STRA6: variants seen among roughly 807,000 people sequenced by gnomAD.
The protein encoded by STRA6 is receptor for retinol uptake STRA6.
In STRA6, 48 loss-of-function variants were observed where a neutral mutation model predicts 83.6. The ratio of observed to expected loss-of-function variants is 0.57; its 90% confidence interval spans 0.46 to 0.73. The LOEUF (loss-of-function observed/expected upper bound fraction) is 0.73. Ranked by LOEUF, STRA6 falls within the 30% of genes least tolerant of loss-of-function variation. The pLI is 0.00. For synonymous variants in STRA6, 353 were observed against 362.3 expected (o/e 0.97, Z 0.29); for missense variants, 760 against 838.8 (o/e 0.91, Z 1.16).
Position 74,197,364 on chromosome 15 carries a change from ACAGT to A in STRA6, c.236_239del (p.Asp79ValfsTer32). On this transcript the variant is annotated frameshift_variant, in exon 4 of 19. Coordinates refer to ENST00000395105, the MANE Select transcript of STRA6 (RefSeq NM_022369.4). LOFTEE classifies it high-confidence loss of function. ...TGGGCAGGCCGGGCCTGCCACGCAC[ACAGT>A]CAGGCCAGAGCTGGCGGCGCCTCAC... The A allele has an allele frequency of 6.4e-7, 1 of 1,550,392 alleles. No homozygotes were observed. The highest frequency in any genetic ancestry group is 8.7e-7 in the Non-Finnish European group (1 of 1,146,848).
chr15:74,205,707 C>T (rs2074244315), upstream of STRA6, among the ~76,000 whole-genome samples: 1 of 152,222 alleles, frequency 6.6e-6, no homozygotes, highest in African/African-American at 2.4e-5. Context: ...GCCAGGCTGG[C>T]AGAAAGGGAC....
chr15:74,184,164 AG>A (rs2073128729), intron 13 of STRA6, among the ~76,000 whole-genome samples, 175 bp from the exon 14 acceptor site: 2 of 152,248 alleles, frequency 1.3e-5, no homozygotes, highest in Non-Finnish European at 2.9e-5. Flanking sequence ...TATCTGGAAG[AG>A]GTGATATCTG....
intron 11 of STRA6, 43 bp downstream of exon 11, chr15:74,190,797 C>G: frequency 6.2e-7 from 1 of 1,613,642 alleles, no homozygotes; most frequent in Non-Finnish European, 8.5e-7. Context: ...GGGTTGAGGG[C>G]AGGGCTCCAG....
rs560511756 is a variant in STRA6, at chr15:74,188,544, C to T, written c.1090+571G>A. Among the ~76,000 whole-genome samples, 6 of 152,330 alleles carry T rather than the reference C, an allele frequency of 3.9e-5. No individual in the cohort carries two copies. The highest frequency in any genetic ancestry group is 4.1e-4 in the South Asian group (2 of 4,828). ...GGACACTTCTCAGTCCCCTCCACAG[C>T]GCTGTTGGGAGCGCCCAGGAGGCAG... On this transcript the variant is annotated intron_variant, in intron 12 of 18. Transcript: ENST00000395105. This position sits in a 1 kb window ranked among gnomAD's most constrained non-coding sequence, Gnocchi z 4.5.
At chr15:74,183,726 C>G (rs1382661412) in intron 14 of STRA6, 130 bp downstream of exon 14, 2 of 1,592,372 alleles carry the variant, frequency 1.3e-6, no homozygotes, top group African/African-American at 1.3e-5. Flanking sequence ...CTCCTTCTTG[C>G]TGCTGCCCCA....
At chr15:74,194,992 A>G in intron 7 of STRA6, 1 of 1,431,918 alleles carries the variant, frequency 7.0e-7, no homozygotes, top group Non-Finnish European at 9.1e-7. Flanking sequence ...AAGCTGGGGG[A>G]TCACTAACAC....
At chr15:74,186,176 G>A in intron 12 of STRA6, among the ~76,000 whole-genome samples, 1 of 152,210 alleles carries the variant, frequency 6.6e-6, no homozygotes. Flanking sequence ...AAGCAACACT[G>A]GTGATTCAGT....
chr15:74,180,429 A>G (rs1437034629), intron 18 of STRA6, among the ~76,000 whole-genome samples, 186 bp from the exon 19 acceptor site: 1 of 152,148 alleles, frequency 6.6e-6, no homozygotes, highest in Non-Finnish European at 1.5e-5. Flanking sequence ...GCTGGGTGGG[A>G]CAAGGGTCTG....
At chr15:74,203,046 C>G (rs953643472), upstream of STRA6, 3 of 985,814 alleles carry the variant, frequency 3.0e-6, no homozygotes, top group Non-Finnish European at 3.6e-6. Context: ...CCCTGCCCGC[C>G]ACATCTGCAG....
chr15:74,190,534 A>G (rs12899173), intron 11 of STRA6, among the ~76,000 whole-genome samples: 1 of 151,970 alleles, frequency 6.6e-6, no homozygotes, highest in Admixed American at 6.5e-5. Flanking sequence ...CTTTTTACAG[A>G]TGAGCTAACA....
In STRA6 at chr15:74,193,132, TC is replaced by T. The variant is rs536053596; in HGVS notation, c.720+667del. On this transcript the variant is annotated intron_variant, in intron 8 of 18. Transcript: ENST00000395105. Reference sequence around the variant, plus strand: ...TTCCTTCGATCCATCCATCCATTCATCCATCTATTCAAAAATTCAAAAATAT... The same window carrying T: ...TTCCTTCGATCCATCCATCCATTCATCATCTATTCAAAAATTCAAAAATAT... 6.6e-5 allele frequency among the ~76,000 whole-genome samples: 10 copies of T among 152,304 alleles called. No individual in the cohort carries two copies. The East Asian group carries it at 1.9e-3, about 29-fold the overall frequency.
chr15:74,195,007 A>G (rs534286933), intron 7 of STRA6: 2 of 1,434,282 alleles, frequency 1.4e-6, no homozygotes, highest in South Asian at 1.5e-5. Context: ...TAACACAGGC[A>G]TTGGGGGTGG....
In STRA6 at chr15:74,188,499, C is replaced by T. The variant is rs4082420; in HGVS notation, c.1090+616G>A. Among the ~76,000 whole-genome samples the T allele has an allele frequency of 0.012, 1,845 of 152,358 alleles. 27 individuals carry two copies. Among genetic ancestry groups the T allele is most frequent in the Non-Finnish European group, 0.017 (1,175 of 68,020 alleles). On this transcript the variant is annotated intron_variant, in intron 12 of 18. Coordinates refer to ENST00000395105, the MANE Select transcript of STRA6 (RefSeq NM_022369.4). This position sits in a 1 kb window ranked among gnomAD's most constrained non-coding sequence, Gnocchi z 4.5. ...CCTGCTGGATGGCCTCAGGCAAATC[C>T]TTCCCCATGTGTCAAGTGGGGACAC...
chr15:74,189,666 C>CT (rs565194026), intron 11 of STRA6, among the ~76,000 whole-genome samples: 2,327 of 140,512 alleles, frequency 0.017, 19 homozygotes, highest in Middle Eastern at 0.034. Flanking sequence ...ACAACTTCTT[C>CT]TTTTTTTTTT....
At chr15:74,211,307 T>C (rs966355884), upstream of STRA6, among the ~76,000 whole-genome samples, 5 of 151,928 alleles carry the variant, frequency 3.3e-5, no homozygotes, top group African/African-American at 9.7e-5. Flanking sequence ...AATTGCAGGA[T>C]TGGGACACAC....
At chr15:74,197,980 C>G (rs1364448613) in intron 2 of STRA6, 162 bp from the exon 3 acceptor site, 2 of 734,128 alleles carry the variant, frequency 2.7e-6, no homozygotes, top group Non-Finnish European at 4.7e-6. Context: ...TTCTCAGGGT[C>G]ATTCTGGGGC....
upstream of STRA6, among the ~76,000 whole-genome samples, chr15:74,206,855 G>A (rs911880572): frequency 1.3e-4 from 20 of 152,234 alleles, no homozygotes; most frequent in East Asian, 7.7e-4. Context: ...ATGAACCCAC[G>A]TGGGCACTCA....
chr15:74,192,463 G>C (rs532703812), intron 8 of STRA6, among the ~76,000 whole-genome samples: 2 of 152,284 alleles, frequency 1.3e-5, no homozygotes, highest in Admixed American at 1.3e-4. Flanking sequence ...TAGCCCAAAA[G>C]GGACCCGGGG....
chr15:74,188,617 A>C lies in STRA6; in HGVS notation c.1090+498T>G, dbSNP rs746000121. Reference sequence around the variant, plus strand: ...GCATCAGACCACAGAAGGGGAAGCCAAGATGGTTCCCTGGTTCAGGAGCTC... The same window carrying C: ...GCATCAGACCACAGAAGGGGAAGCCCAGATGGTTCCCTGGTTCAGGAGCTC... On this transcript the variant is annotated intron_variant, in intron 12 of 18. Transcript: ENST00000395105. The surrounding 1 kb of genome is among the most constrained non-coding windows in gnomAD (Gnocchi z 4.5). Among the ~76,000 whole-genome samples the C allele has an allele frequency of 1.4e-4, 22 of 152,206 alleles. No homozygotes were observed. Among genetic ancestry groups the C allele is most frequent in the Non-Finnish European group, 2.6e-4 (18 of 68,024 alleles).
Sources: allele counts gnomAD v4.1 joint callset (sites outside exome capture counted in the v4.1 genomes callset), GRCh38; gene constraint gnomAD v4.1.1; non-coding constraint Gnocchi (gnomAD v3.1); transcripts MANE v1.5; gene names NCBI Gene and HGNC (gene_info 2026-07-23, HGNC 2026-07-21).